The following IL1R1 variants were observed in gnomAD, a reference collection of about 807,000 sequenced individuals.
IL1R1 encodes interleukin-1 receptor type 1.
Under a neutral mutation model 50.2 loss-of-function variants are expected in IL1R1, and 22 were observed. The observed-to-expected ratio is 0.44, with a 90% CI of 0.31 to 0.63. IL1R1 has a LOEUF of 0.63. Among genes scored for constraint, IL1R1 ranks in the 20% least tolerant of loss-of-function variants. The pLI is 0.07. For missense variants in IL1R1, 509 were observed against 676.2 expected (o/e 0.75, Z 2.74); for synonymous variants, 251 against 236.7 (o/e 1.06, Z -0.55).
At chr2:102,126,638 T>C (rs924858917) in intron 1 of IL1R1, among the ~76,000 whole-genome samples, 11 of 152,078 alleles carry the variant, frequency 7.2e-5, no homozygotes, top group African/African-American at 2.7e-4. Context: ...TGCTGTGCTG[T>C]TCTAGGTGTT....
At chr2:102,124,531 T>G (rs1168939630) in intron 1 of IL1R1, among the ~76,000 whole-genome samples, 1 of 151,738 alleles carries the variant, frequency 6.6e-6, no homozygotes. Context: ...TCGGGAAACT[T>G]ATAATCATTG....
At chr2:102,086,749 C>T (rs992719572) in intron 1 of IL1R1, among the ~76,000 whole-genome samples, 10 of 152,124 alleles carry the variant, frequency 6.6e-5, no homozygotes, top group African/African-American at 2.4e-4. Context: ...TATCTAGCCT[C>T]CCTTTCTCTC....
chr2:102,075,446 A>G (rs970309343), intron 1 of IL1R1, among the ~76,000 whole-genome samples: 7 of 151,776 alleles, frequency 4.6e-5, no homozygotes, highest in African/African-American at 1.7e-4. Context: ...ATGCTAAAAG[A>G]ACACAGTTAA....
At chr2:102,094,505 C>A (rs1679814206) in intron 1 of IL1R1, among the ~76,000 whole-genome samples, 1 of 152,114 alleles carries the variant, frequency 6.6e-6, no homozygotes, top group Admixed American at 6.5e-5. Context: ...CAAATTCTGT[C>A]CTGTAAGTAT....
intron 1 of IL1R1, among the ~76,000 whole-genome samples, chr2:102,077,151 A>C (rs920934861): frequency 6.6e-6 from 1 of 151,586 alleles, no homozygotes; most frequent in African/African-American, 2.4e-5. Flanking sequence ...GCTCACTGCA[A>C]CCTCCACCTC....
chr2:102,072,069 C>T (rs1678746225), intron 1 of IL1R1, among the ~76,000 whole-genome samples: 1 of 151,762 alleles, frequency 6.6e-6, no homozygotes, highest in Non-Finnish European at 1.5e-5. Flanking sequence ...ACCACCCTGG[C>T]TGACACGGCA....
chr2:102,169,635 C>T (rs1043573827), intron 7 of IL1R1, among the ~76,000 whole-genome samples: 2 of 152,208 alleles, frequency 1.3e-5, no homozygotes, highest in Admixed American at 1.3e-4. Context: ...AAGAACCATA[C>T]AGAGGTTAGA....
At chr2:102,089,859 A>T in intron 1 of IL1R1, among the ~76,000 whole-genome samples, 1 of 144,986 alleles carries the variant, frequency 6.9e-6, no homozygotes. Flanking sequence ...TTTGAGACAG[A>T]GTCTCACTCT....
Position 102,130,582 on chromosome 2 carries a change from GTCCTTTA to G in IL1R1, c.-83-23356_-83-23350del, listed in dbSNP as rs199814930. On this transcript the variant is annotated intron_variant, in intron 1 of 10. Transcript: ENST00000409329. Reference sequence around the variant, plus strand: ...TCTAGGGCCTGACAGCTGCCAGGCTGTCCTTTATCTGACATTGTTCACAGTTTACTTC... The same window carrying G: ...TCTAGGGCCTGACAGCTGCCAGGCTGTCTGACATTGTTCACAGTTTACTTC... 7.6e-3 allele frequency among the ~76,000 whole-genome samples: 1,149 copies of G among 152,156 alleles called. 12 individuals are homozygous for G. The highest frequency in any genetic ancestry group is 0.026 in the African/African-American group (1,095 of 41,518).
chr2:102,084,048 T>G (rs1679334211), intron 1 of IL1R1, among the ~76,000 whole-genome samples: 1 of 152,120 alleles, frequency 6.6e-6, no homozygotes, highest in Non-Finnish European at 1.5e-5. Context: ...TCATAGCGAC[T>G]CTGAATCTCT....
intron 3 of IL1R1, among the ~76,000 whole-genome samples, chr2:102,160,452 T>C (rs1253420697): frequency 2.0e-5 from 3 of 152,202 alleles, no homozygotes; most frequent in African/African-American, 2.4e-5. Context: ...ATTTTCTGTA[T>C]CTTACCATAT....
chr2:102,082,641 A>AACAAG (rs969184768), intron 1 of IL1R1, among the ~76,000 whole-genome samples: 12 of 152,176 alleles, frequency 7.9e-5, no homozygotes, highest in Non-Finnish European at 1.8e-4. Context: ...AACAAAACAG[A>AACAAG]ACAAACGCCC....
intron 3 of IL1R1, among the ~76,000 whole-genome samples, chr2:102,161,470 A>T (rs1173680281): frequency 6.6e-6 from 1 of 152,142 alleles, no homozygotes; most frequent in Non-Finnish European, 1.5e-5. Flanking sequence ...GTGTTGTTCA[A>T]ATCTTCTATG....
intron 1 of IL1R1, among the ~76,000 whole-genome samples, chr2:102,095,621 C>T (rs1382216808): frequency 6.6e-6 from 1 of 152,178 alleles, no homozygotes; most frequent in Non-Finnish European, 1.5e-5. Flanking sequence ...CCCTGCTTCC[C>T]CCCAGAAATA....
chr2:102,099,566 T>A (rs944326060), upstream of IL1R1, among the ~76,000 whole-genome samples: 4 of 152,174 alleles, frequency 2.6e-5, no homozygotes, highest in Admixed American at 6.5e-5. Context: ...TGGGAGAGCC[T>A]AGCTGGTCTT....
chr2:102,102,450 A>G (rs1680182726), upstream of IL1R1, among the ~76,000 whole-genome samples: 1 of 152,202 alleles, frequency 6.6e-6, no homozygotes, highest in Non-Finnish European at 1.5e-5. Flanking sequence ...AGTCAAAACC[A>G]TAATGAGATA....
intron 1 of IL1R1, among the ~76,000 whole-genome samples, chr2:102,089,894 T>A (rs1353719998): frequency 6.7e-6 from 1 of 149,788 alleles, no homozygotes; most frequent in Non-Finnish European, 1.5e-5. Flanking sequence ...AGTGCAGTGG[T>A]ACGATCTCGG....
At chr2:102,099,151 A>G (rs1179760568) in intron 1 of IL1R1, among the ~76,000 whole-genome samples, 1 of 152,230 alleles carries the variant, frequency 6.6e-6, no homozygotes, top group Non-Finnish European at 1.5e-5. Context: ...AGTTAAACAA[A>G]GTCTGTAGAT....
At chr2:102,082,978 C>A (rs548102485) in intron 1 of IL1R1, among the ~76,000 whole-genome samples, 2 of 152,132 alleles carry the variant, frequency 1.3e-5, no homozygotes, top group African/African-American at 4.8e-5. Context: ...ATTTTATGAA[C>A]GAACAGGAAC....
Sources: allele counts gnomAD v4.1 joint callset (sites outside exome capture counted in the v4.1 genomes callset), GRCh38; gene constraint gnomAD v4.1.1; transcripts MANE v1.5; gene names NCBI Gene and HGNC (gene_info 2026-07-23, HGNC 2026-07-21).